The following TCEAL4 variants were observed in gnomAD, a reference collection of about 807,000 sequenced individuals.
TCEAL4 encodes the protein transcription elongation factor A like 4, also known as transcription elongation factor A protein-like 4.
A neutral mutation model predicts 1.3 loss-of-function variants in TCEAL4; 1 was observed. The observed-to-expected ratio is 0.79, with a 90% CI of 0.28 to 3.76. The LOEUF is 3.76. Ranked by LOEUF, TCEAL4 falls within the 30% of genes most tolerant of loss-of-function variation. The pLI, the probability that TCEAL4 is intolerant of heterozygous loss-of-function variation, is 0.18. For missense variants in TCEAL4, 129 were observed against 154.7 expected, an observed-to-expected ratio of 0.83 and a Z score of 0.88; for synonymous variants, 54 against 50.7, an observed-to-expected ratio of 1.06 and a Z score of -0.28.
upstream of TCEAL4, among the ~76,000 whole-genome samples, chrX:103,581,132 G>T (rs2073506121): frequency 9.0e-6 from 1 of 111,465 alleles, no homozygotes; most frequent in Admixed American, 9.5e-5. Context: ...AAACCTAAAA[G>T]AAATGGATAA....
chrX:103,586,071 A>G, intron 1 of TCEAL4, 148 bp from the exon 2 acceptor site: 7 of 1,092,486 alleles, frequency 6.4e-6, no homozygotes, highest in Admixed American at 3.6e-5. Context: ...TTGGTGCCCG[A>G]GGCCTGGAAA....
intron 2 of TCEAL4, among the ~76,000 whole-genome samples, chrX:103,580,409 C>T (rs1169865437): frequency 9.0e-6 from 1 of 111,523 alleles, no homozygotes; most frequent in Non-Finnish European, 1.9e-5. Flanking sequence ...AGTTATAATA[C>T]AAACAAAGAA....
chrX:103,576,872 G>A (rs2073486108), intron 1 of TCEAL4, among the ~76,000 whole-genome samples: 1 of 112,173 alleles, frequency 8.9e-6, no homozygotes, highest in African/African-American at 3.2e-5. Flanking sequence ...GTTATTGCTG[G>A]CTTTTGGATT....
intron 1 of TCEAL4, 160 bp from the exon 2 acceptor site, chrX:103,586,059 A>G (rs1432372393): frequency 1.9e-5 from 21 of 1,087,357 alleles, no homozygotes; most frequent in Admixed American, 1.9e-4. Context: ...AAGCATCCTG[A>G]TTTGGTGCCC....
chrX:103,577,084 A>G, intron 1 of TCEAL4: 1 of 1,166,744 alleles, frequency 8.6e-7, no homozygotes, highest in Non-Finnish European at 1.1e-6. Context: ...ACTGATCAAA[A>G]TAGTCGCAGG....
chrX:103,581,810 G>T (rs185603588), upstream of TCEAL4, among the ~76,000 whole-genome samples: 407 of 111,735 alleles, frequency 3.6e-3, 2 homozygotes, highest in African/African-American at 0.013. Context: ...AAAGCTGGAG[G>T]CATTCCCCTT....
chrX:103,584,783 G>A (rs1215760858), upstream of TCEAL4, among the ~76,000 whole-genome samples: 1 of 112,542 alleles, frequency 8.9e-6, no homozygotes, highest in Non-Finnish European at 1.9e-5. Context: ...CTTCAGCTAC[G>A]CTCTGATTGG....
chrX:103,586,234 G>A lies in TCEAL4; in HGVS notation c.-85G>A, dbSNP rs183890656. 56 of 1,165,118 alleles carry A rather than the reference G, an allele frequency of 4.8e-5. No homozygotes were observed. In the East Asian group the frequency reaches 1.8e-3, roughly 38 times the overall value. ...CTGTCTGCAGGTCTGCGCGTCTGTT[G>A]TTCCCAGCGCTCTGCGAAGCCTGAA... On this transcript the variant is annotated 5_prime_UTR_variant, in exon 2 of 3. Transcript: ENST00000472484.
chrX:103,585,442 T>G, upstream of TCEAL4: 1 of 1,069,541 alleles, frequency 9.3e-7, no homozygotes, highest in Non-Finnish European at 1.2e-6. Flanking sequence ...AGGTGGTGGG[T>G]GGCTGGAAGC....
At chrX:103,578,114 G>A in intron 2 of TCEAL4, among the ~76,000 whole-genome samples, 1 of 111,980 alleles carries the variant, frequency 8.9e-6, no homozygotes, top group Non-Finnish European at 1.9e-5. Flanking sequence ...TTTGTGACTG[G>A]ATTATTTCAC....
intron 1 of TCEAL4, chrX:103,585,903 G>T (rs2073539990): frequency 9.4e-7 from 1 of 1,060,752 alleles, no homozygotes; most frequent in African/African-American, 1.9e-5. Context: ...AGCCGGAGAT[G>T]GTGGGCTGGG....
chrX:103,585,718 G>T lies in TCEAL4; in HGVS notation c.-101+94G>T. ...GGGGAAAGGCTGGGGGTGGGGTCGG[G>T]TCGAGTCGAGGGAAGCTGGCCCGAG... On this transcript the variant is annotated intron_variant, in intron 1 of 2. Transcript: ENST00000472484. 6.0e-6 allele frequency: 7 copies of T among 1,162,535 alleles called. No homozygotes were observed. In the South Asian group the frequency reaches 1.3e-4, roughly 22 times the overall value.
upstream of TCEAL4, among the ~76,000 whole-genome samples, chrX:103,581,545 C>T (rs1348498469): frequency 1.8e-5 from 2 of 111,057 alleles, no homozygotes; most frequent in African/African-American, 6.6e-5. Flanking sequence ...TTATCCATCA[C>T]GATCAAGTTG....
chrX:103,586,618 G>GTC, intron 2 of TCEAL4, 31 bp from the exon 3 acceptor site: 1 of 1,185,940 alleles, frequency 8.4e-7, no homozygotes. Context: ...TCTCCTCTTT[G>GTC]TCTCCTCTTT....
In TCEAL4 at chrX:103,586,495, G is replaced by A. The variant is rs904412870; in HGVS notation, c.-27-154G>A. On this transcript the variant is annotated intron_variant, in intron 2 of 2. Transcript: ENST00000472484. ...GTGTGGGAGGAGTGGCGGGCTACGT[G>A]GTGGGCAGAAGGCCCTCTTGGAGGC... The A allele has an allele frequency of 2.8e-5, 23 of 831,291 alleles. No individual in the cohort carries two copies. The African/African-American group carries it at 3.9e-4, about 14-fold the overall frequency. The allele number at this position is 831,291 out of a possible 1,213,427, so 68.5% of individuals were successfully genotyped here.
chrX:103,584,679 A>C (rs2073526197), upstream of TCEAL4, among the ~76,000 whole-genome samples: 1 of 112,494 alleles, frequency 8.9e-6, no homozygotes, highest in Non-Finnish European at 1.9e-5. Flanking sequence ...TTTTATAGCA[A>C]GGAAGTCAAG....
In TCEAL4 at chrX:103,586,964, G is replaced by A. The variant is rs1481557025; in HGVS notation, c.289G>A (p.Glu97Lys). The change falls in exon 3 of 3, where the codon GAG (glutamate) becomes AAG (lysine). Residue 97 changes from glutamate (E) to lysine (K), a missense_variant. Transcript: ENST00000472484. ...AGAGAGAGAGGGAAAACCAGAGATA[G>A]AGGGAAAGCCAGAGAGTGAAGGAGA... ...GSEREGKPEI[E>K]GKPESEGEPG... 1.5e-5 allele frequency: 18 copies of A among 1,210,632 alleles called. No individual in the cohort carries two copies. Among genetic ancestry groups the A allele is most frequent in the Admixed American group, 2.2e-5 (1 of 45,853 alleles).
intron 2 of TCEAL4, among the ~76,000 whole-genome samples, chrX:103,579,776 C>T (rs1308466008): frequency 1.8e-5 from 2 of 111,758 alleles, no homozygotes; most frequent in African/African-American, 3.2e-5. Flanking sequence ...CTCTTGCCCA[C>T]CCTGAAGATA....
chrX:103,587,652 T>C lies in TCEAL4; in HGVS notation c.*329T>C, dbSNP rs2073570672. 5.1e-6 allele frequency: 1 copy of C among 197,520 alleles called. No homozygotes were observed. Among genetic ancestry groups the C allele is most frequent in the African/African-American group, 3.0e-5 (1 of 33,765 alleles). The allele number at this position is 197,520 out of a possible 1,213,427, so 16.3% of individuals were successfully genotyped here. A position where few individuals can be genotyped will look rare whatever the true frequency, so the allele number is the denominator to read the frequency against. On this transcript the variant is annotated 3_prime_UTR_variant, in exon 3 of 3. Transcript: ENST00000472484. ...CTCTGGGTGATTTTTTCTGTTCTTT[T>C]TTGTTCATCTGTCCATTTTTCTCCT...
Sources: gnomAD v4.1 joint callset for allele counts (sites outside exome capture counted in the v4.1 genomes callset) on GRCh38, gnomAD v4.1.1 for gene constraint, MANE v1.5 for transcripts, NCBI Gene and HGNC (gene_info 2026-07-23, HGNC 2026-07-21) for gene names.